BCKDHB: variants seen among roughly 807,000 people sequenced by gnomAD.
The protein encoded by BCKDHB is branched chain keto acid dehydrogenase E1 subunit beta, also known as 2-oxoisovalerate dehydrogenase subunit beta, mitochondrial.
A neutral mutation model predicts 48.5 loss-of-function variants in BCKDHB; 41 were observed. The ratio of observed to expected loss-of-function variants is 0.85; its 90% CI spans 0.66 to 1.10. The LOEUF is 1.10. BCKDHB is among the 50% of genes least tolerant of loss of function. The pLI, the probability that BCKDHB is intolerant of heterozygous loss-of-function variation, is 0.00. For missense variants in BCKDHB, 496 were observed against 494.2 expected (o/e 1.00, Z -0.03); for synonymous variants, 201 against 174.8 (o/e 1.15, Z -1.18).
At chr6:80,349,592 A>G (rs1379201523), downstream of BCKDHB, among the ~76,000 whole-genome samples, 1 of 152,224 alleles carries the variant, frequency 6.6e-6, no homozygotes, top group Non-Finnish European at 1.5e-5. Flanking sequence ...TTGACCTAGA[A>G]AGGTGAAAAT....
chr6:80,169,904 G>C (rs1168103917), intron 5 of BCKDHB: 1 of 1,561,116 alleles, frequency 6.4e-7, no homozygotes, highest in African/African-American at 1.4e-5. Flanking sequence ...CCATGTGCGA[G>C]GCAAGTTATT....
chr6:80,116,937 A>G (rs1460222019), intron 1 of BCKDHB, among the ~76,000 whole-genome samples: 1 of 152,222 alleles, frequency 6.6e-6, no homozygotes, highest in Non-Finnish European at 1.5e-5. Flanking sequence ...TGGCAGACAT[A>G]AGCATAGTCT....
chr6:80,331,718 C>T (rs1431765956), intron 9 of BCKDHB, among the ~76,000 whole-genome samples: 1 of 152,198 alleles, frequency 6.6e-6, no homozygotes, highest in Non-Finnish European at 1.5e-5. Flanking sequence ...ACCAAAACTG[C>T]ACATTTGCTC....
the BCKDHB span, chr6:80,355,613 G>T: frequency 6.6e-6 from 1 of 151,816 alleles, no homozygotes; most frequent in African/African-American, 2.4e-5. Context: ...AACCCAGAGG[G>T]CAATTTAGAC....
intron 1 of BCKDHB, among the ~76,000 whole-genome samples, chr6:80,109,860 T>C (rs1769322449): frequency 6.6e-6 from 1 of 152,106 alleles, no homozygotes; most frequent in South Asian, 2.1e-4. Flanking sequence ...GATGAGAAAA[T>C]TGAGGCTCAG....
chr6:80,370,120 C>A, the BCKDHB span, among the ~76,000 whole-genome samples: 1 of 152,068 alleles, frequency 6.6e-6, no homozygotes, highest in Non-Finnish European at 1.5e-5. Flanking sequence ...GTAATTCCTA[C>A]CTTCAGAAAA....
the BCKDHB span, among the ~76,000 whole-genome samples, chr6:80,426,142 T>C: frequency 6.6e-6 from 1 of 152,082 alleles, no homozygotes; most frequent in African/African-American, 2.4e-5. Flanking sequence ...GGAAGAAAAA[T>C]GTTTTCTAGT....
the BCKDHB span, among the ~76,000 whole-genome samples, chr6:80,462,571 C>T: frequency 2.6e-5 from 4 of 152,080 alleles, no homozygotes; most frequent in African/African-American, 9.7e-5. Flanking sequence ...CAAACTGGGC[C>T]CTGAAAGCAC....
chr6:80,382,085 A>G, the BCKDHB span, among the ~76,000 whole-genome samples: 2 of 152,122 alleles, frequency 1.3e-5, no homozygotes, highest in South Asian at 4.1e-4. Flanking sequence ...TGGGAAGAGG[A>G]AGCAGATGTT....
rs190207084 is a variant in BCKDHB, at chr6:80,276,393, A to C, written c.1038+3172A>C. 3.9e-5 allele frequency among the ~76,000 whole-genome samples: 6 copies of C among 152,110 alleles called. No individual in the cohort carries two copies. The East Asian group carries it at 7.7e-4, about 20-fold the overall frequency. On this transcript the variant is annotated intron_variant, in intron 9 of 9. Transcript: ENST00000320393. ...ACCTATATTAAAATAAAAAATATTG[A>C]AGAGAATACAGCACTATGGAGAGTA...
chr6:80,390,895 C>A, the BCKDHB span, among the ~76,000 whole-genome samples: 1 of 152,006 alleles, frequency 6.6e-6, no homozygotes, highest in African/African-American at 2.4e-5. Context: ...GTAGACCCAC[C>A]CTTAATCGAG....
chr6:80,448,417 G>A, the BCKDHB span, among the ~76,000 whole-genome samples: 2 of 152,126 alleles, frequency 1.3e-5, no homozygotes, highest in African/African-American at 4.8e-5. Flanking sequence ...TTAGGGAAGA[G>A]GAGAGAAAGC....
In BCKDHB at chr6:80,171,299, C is replaced by T. The variant is rs1220450249; in HGVS notation, c.651C>T (p.Ser217=). ...CPGIKVVIPR[S]PFQAKGLLLS... is the part of the protein sequence containing the mutation. ...TTTTGCAGGTGGTTATACCCAGAAGCCCTTTCCAGGCCAAAGGACTTCTTT... is the reference window on the plus strand; with the variant it reads ...TTTTGCAGGTGGTTATACCCAGAAGTCCTTTCCAGGCCAAAGGACTTCTTT... Residue 217 remains serine, a synonymous_variant, in exon 6 of 10, where the codon AGC becomes AGT. Transcript: ENST00000320393. 1.2e-6 allele frequency: 2 copies of T among 1,607,756 alleles called. No individual in the cohort carries two copies. The highest frequency in any genetic ancestry group is 1.7e-6 in the Non-Finnish European group (2 of 1,176,780).
intron 6 of BCKDHB, among the ~76,000 whole-genome samples, chr6:80,196,465 T>C (rs1562127160): frequency 6.6e-6 from 1 of 152,302 alleles, no homozygotes; most frequent in South Asian, 2.1e-4. Context: ...ATTGCTATAT[T>C]ATGATTTTAT....
At chr6:80,178,828 C>T (rs967496246) in intron 6 of BCKDHB, among the ~76,000 whole-genome samples, 2 of 152,082 alleles carry the variant, frequency 1.3e-5, no homozygotes, top group Non-Finnish European at 2.9e-5. Flanking sequence ...AAATAATGAG[C>T]GATGGATTTA....
At chr6:80,206,400 G>A (rs1485854276) in intron 8 of BCKDHB, among the ~76,000 whole-genome samples, 4 of 152,050 alleles carry the variant, frequency 2.6e-5, no homozygotes, top group African/African-American at 9.7e-5. Context: ...TAACAAAGGG[G>A]AAAGAAACAA....
At chr6:80,257,464 TAATA>T (rs1199188504) in intron 8 of BCKDHB, among the ~76,000 whole-genome samples, 73 of 150,260 alleles carry the variant, frequency 4.9e-4, no homozygotes, top group African/African-American at 1.5e-3. Flanking sequence ...ATATATATTC[TAATA>T]AATAATGTAA....
the BCKDHB span, among the ~76,000 whole-genome samples, chr6:80,421,876 C>G: frequency 6.6e-6 from 1 of 152,124 alleles, no homozygotes; most frequent in Admixed American, 6.5e-5. Flanking sequence ...GAAAACAGAA[C>G]ATAAATGTTT....
chr6:80,375,562 C>A, the BCKDHB span, among the ~76,000 whole-genome samples: 1 of 151,262 alleles, frequency 6.6e-6, no homozygotes, highest in Admixed American at 6.6e-5. Flanking sequence ...TATCCTGTAT[C>A]ATTTTTTTTT....
Sources: gnomAD v4.1 joint callset for allele counts (sites outside exome capture counted in the v4.1 genomes callset) on GRCh38, gnomAD v4.1.1 for gene constraint, MANE v1.5 for transcripts, NCBI Gene and HGNC (gene_info 2026-07-23, HGNC 2026-07-21) for gene names.